Variants in CYP24A1 observed in about 807,000 individuals in gnomAD.
The protein encoded by CYP24A1 is 1,25-dihydroxyvitamin D(3) 24-hydroxylase, mitochondrial.
In CYP24A1, 68 loss-of-function variants were observed where a neutral mutation model predicts 62.4. The observed-to-expected ratio is 1.09, with a 90% CI of 0.90 to 1.33. The LOEUF (loss-of-function observed/expected upper bound fraction) is 1.33. Among genes scored for constraint, CYP24A1 ranks in the 40% most tolerant of loss-of-function variants. CYP24A1 has a pLI of 0.00. For synonymous variants in CYP24A1, 267 were observed against 253.0 expected, an observed-to-expected ratio of 1.06 and a Z score of -0.52; for missense variants, 787 against 653.0, an observed-to-expected ratio of 1.21 and a Z score of -2.24.
At chr20:54,167,450 G>A (rs1039664603) in intron 4 of CYP24A1, among the ~76,000 whole-genome samples, 4 of 152,106 alleles carry the variant, frequency 2.6e-5, no homozygotes, top group African/African-American at 7.2e-5. Flanking sequence ...GAGACCAACC[G>A]GTGGCAAAAC....
At chr20:54,157,962 T>C (rs2092635555) in intron 9 of CYP24A1, 124 bp downstream of exon 9, 1 of 1,497,476 alleles carries the variant, frequency 6.7e-7, no homozygotes, top group East Asian at 2.4e-5. Context: ...TCAACTATTC[T>C]CTACCATCTC....
In CYP24A1 at chr20:54,158,899, T is replaced by C. The variant is rs35456917; in HGVS notation, c.1157+58A>G. 13,626 of 1,613,762 alleles carry C rather than the reference T, an allele frequency of 8.4e-3. 86 individuals are homozygous for C. The highest frequency in any genetic ancestry group is 0.018 in the Middle Eastern group (111 of 6,060). ...CCCATGAGTAGGGGACCACTTGTTT[T>C]GTGTTTACGAGAACAGTGTTCTAAC... is the stretch of plus-strand genomic sequence containing the variant. On this transcript the variant is annotated intron_variant, in intron 8 of 11. Coordinates refer to ENST00000216862, the MANE Select transcript of CYP24A1 (RefSeq NM_000782.5).
In CYP24A1 at chr20:54,171,580, A is replaced by C. The variant is rs1310150764; in HGVS notation, c.540T>G (p.Asn180Lys). 1.2e-6 allele frequency: 2 copies of C among 1,613,784 alleles called. No individual in the cohort carries two copies. ...GEVMKLDNKI[N>K]EVLADFMGRI... ...AAGCTGGCCCCAGCCTGCAGACCTCATTGATTTTGTTGTCCAGCTTCATCA... is the reference window on the plus strand; with the variant it reads ...AAGCTGGCCCCAGCCTGCAGACCTCCTTGATTTTGTTGTCCAGCTTCATCA... The change falls in exon 3 of 12, where the codon AAT (asparagine) becomes AAG (lysine). Residue 180 changes from asparagine (N) to lysine (K), a missense_variant. Transcript: ENST00000216862.
chr20:54,169,917 C>T (rs1369474149), intron 3 of CYP24A1, among the ~76,000 whole-genome samples: 2 of 152,144 alleles, frequency 1.3e-5, no homozygotes, highest in African/African-American at 2.4e-5. Context: ...CACCCTGAAG[C>T]TTAAGTTTCA....
the CYP24A1 span, among the ~76,000 whole-genome samples, chr20:54,144,330 G>C: frequency 6.6e-6 from 1 of 151,320 alleles, no homozygotes; most frequent in South Asian, 2.1e-4. Flanking sequence ...GCTCACTGTA[G>C]CCTCAAACTC....
intron 8 of CYP24A1, among the ~76,000 whole-genome samples, chr20:54,158,672 T>C (rs940672840): frequency 1.3e-5 from 2 of 152,218 alleles, no homozygotes; most frequent in Admixed American, 1.3e-4. Context: ...TCTCATAACC[T>C]TCAATCATGC....
the CYP24A1 span, among the ~76,000 whole-genome samples, chr20:54,146,593 A>C: frequency 6.6e-6 from 1 of 152,144 alleles, no homozygotes; most frequent in Non-Finnish European, 1.5e-5. Flanking sequence ...TATGTCATCA[A>C]CTCTCAACTT....
chr20:54,153,516 G>A lies in CYP24A1; in HGVS notation c.*1256C>T, dbSNP rs111801935. 1 of 40,526 alleles carries A rather than the reference G, an allele frequency of 2.5e-5. No individual in the cohort carries two copies. The allele number at this position is 40,526 out of a possible 1,614,324, so 2.5% of individuals were successfully genotyped here. ...GTATACAGATGAAATCTGACAAGAC[G>A]TGAATTTATAATTCTAAAAATAATT... On this transcript the variant is annotated 3_prime_UTR_variant, in exon 12 of 12. Coordinates refer to ENST00000216862, the MANE Select transcript of CYP24A1 (RefSeq NM_000782.5).
intron 3 of CYP24A1, among the ~76,000 whole-genome samples, chr20:54,169,971 A>C (rs2092688487): frequency 8.0e-6 from 1 of 125,028 alleles, no homozygotes; most frequent in African/African-American, 3.0e-5. Flanking sequence ...GAAAAGGAAA[A>C]CATTTTTTTT....
rs780928442 is a variant in CYP24A1, at chr20:54,165,798, G to C, written c.676C>G (p.Leu226Val). The C allele has an allele frequency of 6.5e-7, 1 of 1,527,822 alleles. No homozygotes were observed. Among genetic ancestry groups the C allele is most frequent in the South Asian group, 1.1e-5 (1 of 89,422 alleles). The allele number at this position is 1,527,822 out of a possible 1,614,324, so 94.6% of individuals were successfully genotyped here. A position where few individuals can be genotyped will look rare whatever the true frequency, so the allele number is the denominator to read the frequency against. Residue 226 changes from leucine to valine, a missense_variant, in exon 5 of 12, where the codon CTT becomes GTT. Leu to Val is a conservative substitution (Grantham distance 32). Coordinates refer to ENST00000216862, the MANE Select transcript of CYP24A1 (RefSeq NM_000782.5). ...TCATCCCCTGCATTCTTCTGGAGAA[G>C]CCCAAATCTCTTCTCATACAACACG... ...CLVLYEKRFGLLQKNAGDEAV... is the reference protein window; with the variant it reads ...CLVLYEKRFGVLQKNAGDEAV...
At chr20:54,171,426 T>C in intron 3 of CYP24A1, 151 bp downstream of exon 3, 5 of 1,476,988 alleles carry the variant, frequency 3.4e-6, no homozygotes, top group Non-Finnish European at 4.6e-6. Flanking sequence ...GAGGAGGCTG[T>C]AGGAAGGAAT....
intron 4 of CYP24A1, among the ~76,000 whole-genome samples, chr20:54,166,962 C>A (rs1185836108): frequency 1.3e-5 from 2 of 151,978 alleles, no homozygotes; most frequent in Non-Finnish European, 1.5e-5. Context: ...TCTCTTGGGC[C>A]CAGGAGGCCG....
intron 5 of CYP24A1, among the ~76,000 whole-genome samples, chr20:54,164,866 A>G (rs888437663): frequency 1.3e-5 from 2 of 151,964 alleles, no homozygotes; most frequent in Admixed American, 1.3e-4. Context: ...GATAACTTTC[A>G]TATTCACTTC....
intron 4 of CYP24A1, among the ~76,000 whole-genome samples, chr20:54,169,299 A>G (rs945401325): frequency 2.0e-5 from 3 of 152,206 alleles, no homozygotes; most frequent in Non-Finnish European, 2.9e-5. Flanking sequence ...CTTGTCTAGC[A>G]TATAAGCTCC....
In CYP24A1 at chr20:54,162,480, C is replaced by G. The variant is rs2092654863; in HGVS notation, c.990+237G>C. The G allele has an allele frequency of 1.1e-5, 3 of 284,482 alleles. No homozygotes were observed. The African/African-American group carries it at 1.1e-4, about 10-fold the overall frequency. 17.6% of individuals were successfully genotyped at this position (284,482 alleles called of 1,614,324 possible). ...TCTCCTCCTACCCAGAGTTTAAGCA[C>G]AGAAGCCCGTGCATGGAGGCACCGT... On this transcript the variant is annotated intron_variant, in intron 7 of 11. Coordinates refer to ENST00000216862, the MANE Select transcript of CYP24A1 (RefSeq NM_000782.5).
chr20:54,173,642 G>A lies in CYP24A1; in HGVS notation c.-63C>T. On this transcript the variant is annotated 5_prime_UTR_variant, in exon 1 of 12. Transcript: ENST00000216862. The surrounding 1 kb of genome is among the most constrained non-coding windows in gnomAD (Gnocchi z 7.2). ...ATGGGGTGGGGCGAGGTTGGTACGAGGTGCTAGTGGGAGTCGGGGCTTAAC... is the reference window on the plus strand; with the variant it reads ...ATGGGGTGGGGCGAGGTTGGTACGAAGTGCTAGTGGGAGTCGGGGCTTAAC... 1 of 1,161,538 alleles carries A rather than the reference G, an allele frequency of 8.6e-7. No homozygotes were observed. Among genetic ancestry groups the A allele is most frequent in the Non-Finnish European group, 1.2e-6 (1 of 811,590 alleles). 72.0% of individuals were successfully genotyped at this position (1,161,538 alleles called of 1,614,324 possible). A position where few individuals can be genotyped will look rare whatever the true frequency, so the allele number is the denominator to read the frequency against.
chr20:54,157,180 T>A lies in CYP24A1; in HGVS notation c.1544A>T (p.Ter515LeuextTer9), dbSNP rs755645473. 1.9e-6 allele frequency: 3 copies of A among 1,547,500 alleles called. No homozygotes were observed. Among genetic ancestry groups the A allele is most frequent in the Admixed American group, 1.7e-5 (1 of 59,874 alleles). The change falls in exon 11 of 12, where the codon TAA becomes TTA. Residue 515 changes from the stop codon to leucine (L), a stop_lost. Coordinates refer to ENST00000216862, the MANE Select transcript of CYP24A1 (RefSeq NM_000782.5). ...GCCTAGATGCTCACCTGAGGCGTAT[T>A]ATCGCTGGCAAAACGCGATGGGGAG... ...RELPIAFCQR[*>L]
the CYP24A1 span, among the ~76,000 whole-genome samples, chr20:54,148,294 A>C: frequency 2.6e-5 from 4 of 151,644 alleles, no homozygotes; most frequent in South Asian, 8.3e-4. Context: ...ATTCACCCAG[A>C]TTCTTCAAGC....
Position 54,158,818 on chromosome 20 carries a change from G to T in CYP24A1, c.1157+139C>A, listed in dbSNP as rs1027054007. ...AAATGAGTGCCAGAAAAGAAATATGGCTCCAAAGATTTTTTTGCAGTGTGA... is the reference window on the plus strand; with the variant it reads ...AAATGAGTGCCAGAAAAGAAATATGTCTCCAAAGATTTTTTTGCAGTGTGA... On this transcript the variant is annotated intron_variant, in intron 8 of 11. Transcript: ENST00000216862. The T allele has an allele frequency of 9.0e-6, 13 of 1,445,958 alleles. No homozygotes were observed. The African/African-American group carries it at 1.7e-4, about 19-fold the overall frequency. The allele number at this position is 1,445,958 out of a possible 1,614,324, so 89.6% of individuals were successfully genotyped here.
Sources: allele counts gnomAD v4.1 joint callset (sites outside exome capture counted in the v4.1 genomes callset), GRCh38; gene constraint gnomAD v4.1.1; non-coding constraint Gnocchi (gnomAD v3.1); transcripts MANE v1.5; gene names NCBI Gene and HGNC (gene_info 2026-07-23, HGNC 2026-07-21).